DNAJC13: variants seen among roughly 807,000 people sequenced by gnomAD.
DNAJC13 encodes the protein DnaJ heat shock protein family (Hsp40) member C13, also known as dnaJ homolog subfamily C member 13.
DNAJC13 carries 75 observed loss-of-function variants against 290.5 expected under a neutral mutation model. The observed-to-expected ratio is 0.26, with a 90% CI of 0.21 to 0.31. The LOEUF (loss-of-function observed/expected upper bound fraction) is 0.31. Ranked by LOEUF, DNAJC13 falls within the 10% of genes least tolerant of loss-of-function variation. DNAJC13 has a pLI of 1.00. For missense variants in DNAJC13, 2,260 were observed against 2,674.5 expected, an observed-to-expected ratio of 0.85 and a Z score of 3.42; for synonymous variants, 862 against 892.0, an observed-to-expected ratio of 0.97 and a Z score of 0.60.
At chr3:132,502,217 A>C in intron 39 of DNAJC13, 72 bp from the exon 40 acceptor site, 1 of 1,363,820 alleles carries the variant, frequency 7.3e-7, no homozygotes. Flanking sequence ...ATGCACAACC[A>C]GTTCCTCTTG....
chr3:132,467,339 T>A, intron 20 of DNAJC13, 26 bp downstream of exon 20: 6 of 1,611,188 alleles, frequency 3.7e-6, no homozygotes, highest in Non-Finnish European at 5.1e-6. Context: ...GCTTCCAAAT[T>A]CCTGGCACTT....
At chr3:132,476,545 T>G (rs1314138802) in intron 22 of DNAJC13, among the ~76,000 whole-genome samples, 2 of 152,212 alleles carry the variant, frequency 1.3e-5, no homozygotes, top group Non-Finnish European at 2.9e-5. Context: ...CTCAAACCCT[T>G]GGTGCTCTTG....
intron 45 of DNAJC13, among the ~76,000 whole-genome samples, 193 bp from the exon 46 acceptor site, chr3:132,514,378 G>T (rs189514564): frequency 1.3e-5 from 2 of 152,136 alleles, no homozygotes; most frequent in East Asian, 1.9e-4. Flanking sequence ...AGGATTGAAG[G>T]CTTCTTAGAA....
intron 42 of DNAJC13, among the ~76,000 whole-genome samples, chr3:132,506,045 C>CTTTT (rs573857472): frequency 0.034 from 2,420 of 72,142 alleles, 316 homozygotes; most frequent in African/African-American, 0.1. Context: ...TGTACATTAT[C>CTTTT]TTTTTTTTTT....
At chr3:132,460,947 A>G (rs1933777419) in intron 14 of DNAJC13, 103 bp from the exon 15 acceptor site, 1 of 1,090,646 alleles carries the variant, frequency 9.2e-7, no homozygotes, top group African/African-American at 1.6e-5. Context: ...GTCAATGTTG[A>G]TGTCTGACAT....
intron 1 of DNAJC13, among the ~76,000 whole-genome samples, chr3:132,420,432 G>T (rs1938921390): frequency 1.3e-5 from 2 of 152,118 alleles, no homozygotes; most frequent in African/African-American, 4.8e-5. Context: ...TGGAGGAGGG[G>T]CCCTGAGCCC....
At chr3:132,446,353 A>T in intron 2 of DNAJC13, 122 bp from the exon 3 acceptor site, 1 of 628,476 alleles carries the variant, frequency 1.6e-6, no homozygotes, top group African/African-American at 1.9e-5. Flanking sequence ...AGCTATATTT[A>T]GTCACCATTA....
chr3:132,525,024 T>C (rs1335261935), intron 51 of DNAJC13, among the ~76,000 whole-genome samples: 1 of 152,194 alleles, frequency 6.6e-6, no homozygotes, highest in African/African-American at 2.4e-5. Context: ...TCTAGTAATA[T>C]CATTTGGGAC....
intron 22 of DNAJC13, among the ~76,000 whole-genome samples, chr3:132,476,020 G>A (rs985287634): frequency 2.0e-5 from 3 of 152,052 alleles, no homozygotes; most frequent in Non-Finnish European, 4.4e-5. Flanking sequence ...TGCAGCCTCT[G>A]CCTCATTGGC....
At chr3:132,520,601 A>G (rs1388712910) in intron 48 of DNAJC13, among the ~76,000 whole-genome samples, 1 of 152,236 alleles carries the variant, frequency 6.6e-6, no homozygotes, top group Non-Finnish European at 1.5e-5. Context: ...ATAGGAAGAG[A>G]CTTTTGATTT....
intron 26 of DNAJC13, among the ~76,000 whole-genome samples, chr3:132,481,679 T>A (rs1407158551): frequency 6.6e-6 from 1 of 152,202 alleles, no homozygotes; most frequent in Non-Finnish European, 1.5e-5. Context: ...TAGAGAACAT[T>A]GTAAGAATTA....
intron 5 of DNAJC13, among the ~76,000 whole-genome samples, 170 bp from the exon 6 acceptor site, chr3:132,450,477 C>A (rs1030769621): frequency 6.6e-6 from 1 of 152,066 alleles, no homozygotes; most frequent in Non-Finnish European, 1.5e-5. Flanking sequence ...TTCTTAAACA[C>A]CTCCAAATAG....
intron 3 of DNAJC13, 43 bp from the exon 4 acceptor site, chr3:132,447,278 A>G (rs746608941): frequency 5.1e-6 from 7 of 1,382,790 alleles, no homozygotes; most frequent in Admixed American, 2.9e-5. Context: ...ATTACATTTT[A>G]CTGTATTATA....
At position 132,525,011 on chromosome 3, in the gene DNAJC13, AT is replaced by A. The variant is rs575066597; in HGVS notation, c.6061-596del. ...AACATACCTGCAACATGGTCTAAAAATTTCTAGTAATATCATTTGGGACATG... is the reference window on the plus strand; with the variant it reads ...AACATACCTGCAACATGGTCTAAAAATTCTAGTAATATCATTTGGGACATG... On this transcript the variant is annotated intron_variant, in intron 51 of 55. Transcript: ENST00000260818. 1.4e-3 allele frequency among the ~76,000 whole-genome samples: 216 copies of A among 152,324 alleles called. 2 individuals are homozygous for A. The highest frequency in any genetic ancestry group is 5.1e-3 in the African/African-American group (210 of 41,566).
intron 33 of DNAJC13, among the ~76,000 whole-genome samples, chr3:132,493,298 T>A (rs1478321734): frequency 6.6e-6 from 1 of 152,036 alleles, no homozygotes; most frequent in African/African-American, 2.4e-5. Context: ...TGGTGGAACT[T>A]ATACCATTAT....
At chr3:132,520,824 G>C (rs917743236) in intron 48 of DNAJC13, among the ~76,000 whole-genome samples, 1 of 152,132 alleles carries the variant, frequency 6.6e-6, no homozygotes, top group Non-Finnish European at 1.5e-5. Context: ...GATTTCTGTA[G>C]CAGTCACACA....
At chr3:132,454,339 T>TG (rs1933519329) in intron 9 of DNAJC13, among the ~76,000 whole-genome samples, 182 bp downstream of exon 9, 1 of 145,928 alleles carries the variant, frequency 6.9e-6, no homozygotes, top group Non-Finnish European at 1.5e-5. Context: ...TTTTTTTTTT[T>TG]GAGACAGAGT....
At chr3:132,433,850 T>C (rs983279831) in intron 1 of DNAJC13, among the ~76,000 whole-genome samples, 1 of 151,986 alleles carries the variant, frequency 6.6e-6, no homozygotes, top group African/African-American at 2.4e-5. Flanking sequence ...TGGGAGAGAG[T>C]TGGACAATCA....
In DNAJC13 at chr3:132,421,668, G is replaced by T. The variant is rs553271963; in HGVS notation, c.-14+3908G>T. 5.3e-5 allele frequency among the ~76,000 whole-genome samples: 8 copies of T among 151,190 alleles called. No homozygotes were observed. In the South Asian group the frequency reaches 1.5e-3, roughly 28 times the overall value. On this transcript the variant is annotated intron_variant, in intron 1 of 55. Transcript: ENST00000260818. The stretch of plus-strand genomic sequence containing the variant: ...TTGCCCAGGCTGGTCTCGAACTCCT[G>T]ACCTCAAGTGATCCACCCACCCAGG...
Sources: gnomAD v4.1 joint callset for allele counts (sites outside exome capture counted in the v4.1 genomes callset) on GRCh38, gnomAD v4.1.1 for gene constraint, MANE v1.5 for transcripts, NCBI Gene and HGNC (gene_info 2026-07-23, HGNC 2026-07-21) for gene names.